MRE11: variants seen among roughly 807,000 people sequenced by gnomAD.
MRE11 encodes MRE11 double strand break repair nuclease, also known as double-strand break repair protein MRE11.
Under a neutral mutation model 91.7 loss-of-function variants are expected in MRE11, and 62 were observed. The observed-to-expected ratio is 0.68, with a 90% CI of 0.55 to 0.84. The LOEUF is 0.84. Ranked by LOEUF, MRE11 falls within the 40% of genes least tolerant of loss-of-function variation. The pLI is 0.00. For missense variants in MRE11, 796 were observed against 852.9 expected (o/e 0.93, Z 0.83); for synonymous variants, 273 against 271.4 (o/e 1.01, Z -0.06).
chr11:94,511,822 C>T, the MRE11 span, among the ~76,000 whole-genome samples: 3 of 152,216 alleles, frequency 2.0e-5, no homozygotes, highest in African/African-American at 7.2e-5. Context: ...CAACCTTATG[C>T]TCCAAATAAA....
chr11:94,476,368 C>A lies in MRE11; in HGVS notation c.580G>T (p.Val194Phe), dbSNP rs1351888525. 1 of 1,612,712 alleles carries A rather than the reference C, an allele frequency of 6.2e-7. No individual in the cohort carries two copies. The highest frequency in any genetic ancestry group is 1.1e-5 in the South Asian group (1 of 91,056). ...IPDERLYRMF[V>F]NKKVTMLRPK... Reference sequence around the variant, plus strand: ...CTCAACATTGTTACTTTTTTATTGACAAACATTCGATAGAGCCTTTCATCT... The same window carrying A: ...CTCAACATTGTTACTTTTTTATTGAAAAACATTCGATAGAGCCTTTCATCT... Residue 194 changes from valine to phenylalanine, a missense_variant, in exon 7 of 20, where the codon GTC becomes TTC. By Grantham distance (50) the Val-to-Phe change is conservative. Transcript: ENST00000323929.
the MRE11 span, among the ~76,000 whole-genome samples, chr11:94,511,451 T>C: frequency 6.6e-6 from 1 of 152,210 alleles, no homozygotes; most frequent in Non-Finnish European, 1.5e-5. Flanking sequence ...AATACAATTG[T>C]CATAGTAATG....
chr11:94,474,988 C>CT (rs1045354690), intron 7 of MRE11, among the ~76,000 whole-genome samples: 1 of 152,104 alleles, frequency 6.6e-6, no homozygotes, highest in African/African-American at 2.4e-5. Flanking sequence ...CCTGCCCCTC[C>CT]TTTGAAACTC....
At chr11:94,485,485 C>T (rs190619325) in intron 4 of MRE11, among the ~76,000 whole-genome samples, 32 of 151,006 alleles carry the variant, frequency 2.1e-4, no homozygotes, top group African/African-American at 6.5e-4. Flanking sequence ...TAAGTAACTT[C>T]TGCAATTCAG....
At chr11:94,511,816 C>T in the MRE11 span, among the ~76,000 whole-genome samples, 6 of 152,214 alleles carry the variant, frequency 3.9e-5, no homozygotes, top group Admixed American at 3.3e-4. Context: ...CAAAAGCAAC[C>T]TTATGCTCCA....
At chr11:94,440,693 A>C (rs1945757367) in intron 16 of MRE11, among the ~76,000 whole-genome samples, 1 of 152,176 alleles carries the variant, frequency 6.6e-6, no homozygotes, top group African/African-American at 2.4e-5. Flanking sequence ...TTGAAGAGAG[A>C]AGCAGAGGTA....
At chr11:94,447,072 G>GACT in intron 15 of MRE11, 147 bp downstream of exon 15, 1 of 846,202 alleles carries the variant, frequency 1.2e-6, no homozygotes, top group Non-Finnish European at 1.9e-6. Flanking sequence ...CTGCCTTAAA[G>GACT]ACTGTCTTTA....
Position 94,461,049 on chromosome 11 carries a change from A to G in MRE11, c.1226-13T>C. On this transcript the variant is annotated splice_polypyrimidine_tract_variant and intron_variant, in intron 11 of 19. Coordinates refer to ENST00000323929, the MANE Select transcript of MRE11 (RefSeq NM_005591.4). ...TTGATCTCTTCTCCTAGAAAAAAAG[A>G]AGTATATCAAAAAATAGCTTCTATC... 1.3e-6 allele frequency: 2 copies of G among 1,594,548 alleles called. No individual in the cohort carries two copies. Among genetic ancestry groups the G allele is most frequent in the Non-Finnish European group, 1.7e-6 (2 of 1,164,390 alleles).
At chr11:94,494,538 T>C (rs901024508), upstream of MRE11, among the ~76,000 whole-genome samples, 17 of 151,952 alleles carry the variant, frequency 1.1e-4, no homozygotes, top group African/African-American at 4.1e-4. Flanking sequence ...TTGTAAGGAG[T>C]TGACATAGTT....
rs185996773 is a variant in MRE11 at position 94,459,628 on chromosome 11, C to T, written c.1327-47G>A. On this transcript the variant is annotated intron_variant, in intron 12 of 19. Transcript: ENST00000323929. ...ATGCAGAAATAGTTTTTATTCCTTA[C>T]AAAATAATTATAGATGAGCAAGGAA... 8.9e-6 allele frequency: 14 copies of T among 1,580,956 alleles called. No individual in the cohort carries two copies. The East Asian group carries it at 1.8e-4, about 20-fold the overall frequency.
Position 94,492,733 on chromosome 11 carries a change from A to T in MRE11, c.20+49T>A, listed in dbSNP as rs764737390. On this transcript the variant is annotated intron_variant, in intron 2 of 19. Transcript: ENST00000323929. ...TCTTTTACTGTGATCACAGTTGACG[A>T]GCTTTAGAAACCCCAAATAACAAGG... The T allele has an allele frequency of 7.4e-6, 12 of 1,611,102 alleles. No individual in the cohort carries two copies. The East Asian group carries it at 2.5e-4, about 33-fold the overall frequency.
intron 5 of MRE11, among the ~76,000 whole-genome samples, chr11:94,479,156 T>C (rs1422800230): frequency 1.3e-5 from 2 of 152,160 alleles, no homozygotes; most frequent in East Asian, 1.9e-4. Flanking sequence ...AGCCATGAGA[T>C]AAATGCTTTG....
At chr11:94,463,814 G>C (rs1393360974) in intron 11 of MRE11, among the ~76,000 whole-genome samples, 1 of 152,020 alleles carries the variant, frequency 6.6e-6, no homozygotes, top group African/African-American at 2.4e-5. Context: ...ATAGCATTAA[G>C]AGCAATACCT....
At chr11:94,457,435 C>T (rs191370201) in intron 13 of MRE11, among the ~76,000 whole-genome samples, 2 of 152,048 alleles carry the variant, frequency 1.3e-5, no homozygotes, top group African/African-American at 4.8e-5. Context: ...AAAATGGGAT[C>T]GAGAGTTTTG....
At chr11:94,505,929 T>C in the MRE11 span, among the ~76,000 whole-genome samples, 1 of 152,226 alleles carries the variant, frequency 6.6e-6, no homozygotes, top group Non-Finnish European at 1.5e-5. Flanking sequence ...TACAGTATAG[T>C]AACATGTTCT....
At position 94,490,949 on chromosome 11, in the gene MRE11, A is replaced by T. The variant is rs149101834; in HGVS notation, c.37T>A (p.Phe13Ile). The change falls in exon 3 of 20, where the codon TTT becomes ATT. Residue 13 changes from phenylalanine to isoleucine, a missense_variant. By Grantham distance (21) the Phe-to-Ile change is conservative (BLOSUM62 0). Coordinates refer to ENST00000323929, the MANE Select transcript of MRE11 (RefSeq NM_005591.4). ...ATATCTGTTGCAACTAATATTTTAA[A>T]TGTGTTTTCATCATCACTATATTAA... Reference protein sequence around the residue: ...TADALDDENTFKILVATDIHL... With the variant: ...TADALDDENTIKILVATDIHL... The T allele has an allele frequency of 1.7e-4, 244 of 1,477,012 alleles. 1 individual carries two copies. The African/African-American group carries it at 3.1e-3, about 19-fold the overall frequency. The allele number at this position is 1,477,012 out of a possible 1,614,324, so 91.5% of individuals were successfully genotyped here. A position where few individuals can be genotyped will look rare whatever the true frequency, so the allele number is the denominator to read the frequency against.
chr11:94,459,612 T>G lies in MRE11; in HGVS notation c.1327-31A>C, dbSNP rs755029614. 9 of 1,604,884 alleles carry G rather than the reference T, an allele frequency of 5.6e-6. No homozygotes were observed. The South Asian group carries it at 9.9e-5, about 18-fold the overall frequency. On this transcript the variant is annotated intron_variant, in intron 12 of 19. Coordinates refer to ENST00000323929, the MANE Select transcript of MRE11 (RefSeq NM_005591.4). Reference sequence around the variant, plus strand: ...AGATACAAATCACTGGATGCAGAAATAGTTTTTATTCCTTACAAAATAATT... The same window carrying G: ...AGATACAAATCACTGGATGCAGAAAGAGTTTTTATTCCTTACAAAATAATT...
chr11:94,447,387 C>A lies in MRE11; in HGVS notation c.1615G>T (p.Ala539Ser). The part of the protein sequence containing the change: ...LRSQSEESAS[A>S]FSADDLMSID... ...CTCATAAGGTCATCAGCACTAAAGG[C>A]AGAAGCAGACTCCTCTGACTGAGAT... Residue 539 changes from alanine (A) to serine (S), a missense_variant, in exon 15 of 20, where the codon GCC becomes TCC. Coordinates refer to ENST00000323929, the MANE Select transcript of MRE11 (RefSeq NM_005591.4). 6.2e-7 allele frequency: 1 copy of A among 1,614,132 alleles called. No individual in the cohort carries two copies. The highest frequency in any genetic ancestry group is 8.5e-7 in the Non-Finnish European group (1 of 1,180,018).
chr11:94,418,765 T>C lies in MRE11; in HGVS notation c.*1360A>G, dbSNP rs2134726089. ...ACTGAGTTAATGTTACTTGCTCAAA[T>C]AACCCTTATGCTCAAGTTAGGTACA... On this transcript the variant is annotated 3_prime_UTR_variant, in exon 20 of 20. Transcript: ENST00000323929. 1 of 232,420 alleles carries C rather than the reference T, an allele frequency of 4.3e-6. No individual in the cohort carries two copies. The highest frequency in any genetic ancestry group is 2.2e-5 in the African/African-American group (1 of 45,452). 14.4% of individuals were successfully genotyped at this position (232,420 alleles called of 1,614,324 possible).
Sources: gnomAD v4.1 joint callset for allele counts (sites outside exome capture counted in the v4.1 genomes callset) on GRCh38, gnomAD v4.1.1 for gene constraint, MANE v1.5 for transcripts, NCBI Gene and HGNC (gene_info 2026-07-23, HGNC 2026-07-21) for gene names.